Variants in NEURL1 observed in about 807,000 individuals in gnomAD.
NEURL1 encodes the protein E3 ubiquitin-protein ligase NEURL1.
Under a neutral mutation model 41.2 loss-of-function variants are expected in NEURL1, and 26 were observed. The ratio of observed to expected loss-of-function variants is 0.63; its 90% confidence interval spans 0.46 to 0.87. The LOEUF (loss-of-function observed/expected upper bound fraction) is 0.87, where lower values mean the gene tolerates loss of function less well. Among genes scored for constraint, NEURL1 ranks in the 40% least tolerant of loss-of-function variants. The probability of loss-of-function intolerance (pLI) is 0.00; values close to 1 mark genes in which losing one functional copy is unlikely to be tolerated. For missense variants in NEURL1, 761 were observed against 871.1 expected, an observed-to-expected ratio of 0.87 and a Z score of 1.59; for synonymous variants, 400 against 402.3, an observed-to-expected ratio of 0.99 and a Z score of 0.07.
rs1180205221 is a variant in NEURL1 at position 103,589,645 on chromosome 10, G to A, written c.1471G>A (p.Gly491Ser). ...LLSTCSSGPL[G>S]SSAGGTAPNS... ...CAGCACGTGCAGCTCTGGCCCTCTG[G>A]GTAGCTCTGCTGGTGGTAAGTAGGC... The change falls in exon 5 of 6, where the codon GGT (glycine) becomes AGT (serine). Residue 491 changes from glycine (G) to serine (S), a missense_variant. This residue lies in a region of NEURL1 where 443 missense variants were observed against 408.1 expected (regional missense o/e 1.09). Transcript: ENST00000369780. The A allele has an allele frequency of 3.7e-6, 6 of 1,610,728 alleles. No individual in the cohort carries two copies. Among genetic ancestry groups the A allele is most frequent in the African/African-American group, 1.3e-5 (1 of 74,804 alleles).
intron 1 of NEURL1, among the ~76,000 whole-genome samples, chr10:103,534,907 C>A (rs2034658375): frequency 6.6e-6 from 1 of 152,138 alleles, no homozygotes; most frequent in African/African-American, 2.4e-5. Context: ...TCAGCTCAGC[C>A]CCATAGGCTG....
intron 1 of NEURL1, among the ~76,000 whole-genome samples, chr10:103,563,569 G>C (rs2035353037): frequency 6.6e-6 from 1 of 152,166 alleles, no homozygotes; most frequent in African/African-American, 2.4e-5. Flanking sequence ...GCTTCAGCTG[G>C]GCCTTGAAAG....
intron 1 of NEURL1, among the ~76,000 whole-genome samples, chr10:103,505,716 C>T (rs1180731215): frequency 2.1e-5 from 3 of 140,696 alleles, no homozygotes; most frequent in African/African-American, 4.9e-5. Flanking sequence ...AGTACTACCC[C>T]AGTTGAGCTG....
At chr10:103,567,964 A>G (rs1038522260) in intron 1 of NEURL1, among the ~76,000 whole-genome samples, 3 of 152,154 alleles carry the variant, frequency 2.0e-5, no homozygotes, top group Admixed American at 6.5e-5. Flanking sequence ...TGTGTTTTGT[A>G]TGTATTGTTT....
chr10:103,575,592 C>G (rs973059924), intron 3 of NEURL1, among the ~76,000 whole-genome samples: 1 of 152,202 alleles, frequency 6.6e-6, no homozygotes, highest in Non-Finnish European at 1.5e-5. Flanking sequence ...GCTGGTGTCT[C>G]TCCCCAGTGG....
intron 1 of NEURL1, among the ~76,000 whole-genome samples, chr10:103,559,651 C>T (rs2035238864): frequency 1.3e-5 from 2 of 152,198 alleles, no homozygotes; most frequent in African/African-American, 2.4e-5. Context: ...TGCATCTCAG[C>T]GTCCACTTCT....
At chr10:103,579,877 G>A (rs1366340075) in intron 3 of NEURL1, among the ~76,000 whole-genome samples, 1 of 152,058 alleles carries the variant, frequency 6.6e-6, no homozygotes, top group Non-Finnish European at 1.5e-5. Flanking sequence ...GGGAGGCAGA[G>A]GATGCAGTGA....
At chr10:103,526,561 G>A (rs1205249233) in intron 1 of NEURL1, among the ~76,000 whole-genome samples, 1 of 151,934 alleles carries the variant, frequency 6.6e-6, no homozygotes, top group Non-Finnish European at 1.5e-5. Flanking sequence ...ACTCAGGCTG[G>A]AGTGCAGTGG....
At chr10:103,514,065 G>T (rs1459208642) in intron 1 of NEURL1, among the ~76,000 whole-genome samples, 1 of 151,868 alleles carries the variant, frequency 6.6e-6, no homozygotes, top group Non-Finnish European at 1.5e-5. Context: ...CTCCCAGGAG[G>T]TCTCCTGGAT....
At chr10:103,506,108 G>A (rs749165439) in intron 1 of NEURL1, among the ~76,000 whole-genome samples, 3 of 152,192 alleles carry the variant, frequency 2.0e-5, no homozygotes, top group African/African-American at 7.2e-5. Flanking sequence ...GGGTAAGGAC[G>A]GAAAAGGGAG....
chr10:103,560,351 A>C (rs538653240), intron 1 of NEURL1, among the ~76,000 whole-genome samples: 1 of 152,360 alleles, frequency 6.6e-6, no homozygotes, highest in South Asian at 2.1e-4. Flanking sequence ...GTGGGACACA[A>C]GAGGGAGAGG....
chr10:103,499,482 CTTCTT>C lies in NEURL1; in HGVS notation c.85+5032_85+5036del, dbSNP rs369077843. Among the ~76,000 whole-genome samples, 434 of 148,852 alleles carry C rather than the reference CTTCTT, an allele frequency of 2.9e-3. 2 individuals carry two copies. The highest frequency in any genetic ancestry group is 0.014 in the Middle Eastern group (4 of 290). ...CTTCCCTTCCTTCCTCCTTCCCTTCCTTCTTTTCTTTTCTTTTCTTTTCTTTCAGC... is the reference window on the plus strand; with the variant it reads ...CTTCCCTTCCTTCCTCCTTCCCTTCCTTCTTTTCTTTTCTTTTCTTTCAGC... On this transcript the variant is annotated intron_variant, in intron 1 of 5. Coordinates refer to ENST00000369780, the MANE Select transcript of NEURL1 (RefSeq NM_004210.5).
intron 1 of NEURL1, among the ~76,000 whole-genome samples, chr10:103,521,463 T>G (rs1361932075): frequency 6.6e-6 from 1 of 152,138 alleles, no homozygotes; most frequent in Non-Finnish European, 1.5e-5. Flanking sequence ...ATCCCCGAGC[T>G]TGATGTGTAG....
At chr10:103,513,900 G>A (rs2034134899) in intron 1 of NEURL1, among the ~76,000 whole-genome samples, 1 of 152,028 alleles carries the variant, frequency 6.6e-6, no homozygotes, top group African/African-American at 2.4e-5. Flanking sequence ...GGGAGAGGAG[G>A]AAGGGGAGGT....
chr10:103,535,980 A>G (rs746085730), intron 1 of NEURL1, among the ~76,000 whole-genome samples: 1 of 152,156 alleles, frequency 6.6e-6, no homozygotes, highest in African/African-American at 2.4e-5. Context: ...TCTTTGGAGG[A>G]GCACTGCTGT....
rs2033611622 is a variant in NEURL1, at chr10:103,493,816, C to A, written c.-572C>A. Among the ~76,000 whole-genome samples, 1 of 151,736 alleles carries A rather than the reference C, an allele frequency of 6.6e-6. No homozygotes were observed. The highest frequency in any genetic ancestry group is 1.5e-5 in the Non-Finnish European group (1 of 67,892). ...GGTCGCAGGAGGGACCCGGCGCGGG[C>A]GGGACCGCGGCGGTCGGGGGACACC... On this transcript the variant is annotated 5_prime_UTR_variant, in exon 1 of 6. Transcript: ENST00000369780.
Position 103,545,834 on chromosome 10 carries a change from C to G in NEURL1, c.86-25038C>G, listed in dbSNP as rs768775397. Reference sequence around the variant, plus strand: ...CAGTCCCCACTTTCTCTTTTGGAGACGTGTGTGGTGCTGAAGCTCTGACCC... The same window carrying G: ...CAGTCCCCACTTTCTCTTTTGGAGAGGTGTGTGGTGCTGAAGCTCTGACCC... On this transcript the variant is annotated intron_variant, in intron 1 of 5. Transcript: ENST00000369780. The surrounding 1 kb of genome is among the most constrained non-coding windows in gnomAD (Gnocchi z 4.5). 1.3e-5 allele frequency among the ~76,000 whole-genome samples: 2 copies of G among 152,162 alleles called. No homozygotes were observed.
At chr10:103,529,436 G>C (rs1238902545) in intron 1 of NEURL1, among the ~76,000 whole-genome samples, 1 of 152,154 alleles carries the variant, frequency 6.6e-6, no homozygotes, top group Non-Finnish European at 1.5e-5. Context: ...CTTACCACAG[G>C]TGAGGAACCC....
rs970143945 is a variant in NEURL1 at position 103,591,341 on chromosome 10, G to A, written c.*969G>A. 2.0e-5 allele frequency: 3 copies of A among 152,610 alleles called. No individual in the cohort carries two copies. Among genetic ancestry groups the A allele is most frequent in the African/African-American group, 7.2e-5 (3 of 41,460 alleles). 9.5% of individuals were successfully genotyped at this position (152,610 alleles called of 1,614,324 possible). On this transcript the variant is annotated 3_prime_UTR_variant, in exon 6 of 6. Transcript: ENST00000369780. ...ACACCTGGGATGGGCCAGGGCCCTGGGTGGGGAGGTGTGGGTTCCCTGGGC... is the reference window on the plus strand; with the variant it reads ...ACACCTGGGATGGGCCAGGGCCCTGAGTGGGGAGGTGTGGGTTCCCTGGGC...
Sources: gnomAD v4.1 joint callset for allele counts (sites outside exome capture counted in the v4.1 genomes callset) on GRCh38, gnomAD v4.1.1 for gene constraint, gnomAD v4.1.1 regional missense constraint, Gnocchi (gnomAD v3.1) non-coding constraint, MANE v1.5 for transcripts, NCBI Gene and HGNC (gene_info 2026-07-23, HGNC 2026-07-21) for gene names.